NKAIN2: variants seen among roughly 807,000 people sequenced by gnomAD.
The protein encoded by NKAIN2 is sodium/potassium-transporting ATPase subunit beta-1-interacting protein 2.
A neutral mutation model predicts 32.6 loss-of-function variants in NKAIN2; 14 were observed. The observed-to-expected ratio is 0.43, with a 90% CI of 0.28 to 0.67. The LOEUF is 0.67. Among genes scored for constraint, NKAIN2 ranks in the 30% least tolerant of loss-of-function variants. The pLI, the probability that NKAIN2 is intolerant of heterozygous loss-of-function variation, is 0.17. For missense variants in NKAIN2, 198 were observed against 258.3 expected, an observed-to-expected ratio of 0.77 and a Z score of 1.60; for synonymous variants, 80 against 87.2, an observed-to-expected ratio of 0.92 and a Z score of 0.46.
intron 3 of NKAIN2, among the ~76,000 whole-genome samples, chr6:124,390,106 C>T (rs1484863083): frequency 6.6e-6 from 1 of 152,106 alleles, no homozygotes; most frequent in African/African-American, 2.4e-5. Flanking sequence ...GTCTTTGCTG[C>T]CAGTGCAAAG....
chr6:124,359,746 T>A (rs1799179164), intron 3 of NKAIN2, among the ~76,000 whole-genome samples: 1 of 152,178 alleles, frequency 6.6e-6, no homozygotes, highest in Non-Finnish European at 1.5e-5. Context: ...CCTCTTTTCC[T>A]AATTGAATAC....
chr6:124,269,334 A>T (rs1427838658), intron 1 of NKAIN2, among the ~76,000 whole-genome samples: 1 of 152,196 alleles, frequency 6.6e-6, no homozygotes, highest in African/African-American at 2.4e-5. Context: ...CATGGTATTT[A>T]CCATACCAGA....
At chr6:124,726,127 G>C (rs1350239570) in intron 4 of NKAIN2, among the ~76,000 whole-genome samples, 1 of 152,196 alleles carries the variant, frequency 6.6e-6, no homozygotes, top group African/African-American at 2.4e-5. Flanking sequence ...AGCGAGCCTG[G>C]GGGAGGGGCG....
chr6:124,101,789 G>A (rs1038129065), intron 1 of NKAIN2, among the ~76,000 whole-genome samples: 1 of 152,134 alleles, frequency 6.6e-6, no homozygotes, highest in Non-Finnish European at 1.5e-5. Context: ...ACTGACTTAG[G>A]TGAGTCAAGC....
intron 3 of NKAIN2, among the ~76,000 whole-genome samples, chr6:124,529,412 A>G (rs1175474678): frequency 1.3e-5 from 2 of 152,200 alleles, no homozygotes; most frequent in Admixed American, 6.5e-5. Context: ...AACCCAGCGA[A>G]CAAAAACCAG....
At chr6:123,868,948 A>G (rs1772724187) in intron 1 of NKAIN2, among the ~76,000 whole-genome samples, 1 of 152,216 alleles carries the variant, frequency 6.6e-6, no homozygotes, top group Non-Finnish European at 1.5e-5. Flanking sequence ...AAAATGACCT[A>G]CATATTAATG....
intron 3 of NKAIN2, among the ~76,000 whole-genome samples, chr6:124,495,685 G>A (rs1265607216): frequency 6.6e-6 from 1 of 152,056 alleles, no homozygotes; most frequent in Non-Finnish European, 1.5e-5. Flanking sequence ...TTCAACCAAA[G>A]AAAATTCCAA....
chr6:123,846,841 C>T (rs1055165722), intron 1 of NKAIN2, among the ~76,000 whole-genome samples: 30 of 68,604 alleles, frequency 4.4e-4, no homozygotes, highest in Non-Finnish European at 7.6e-4. Context: ...CACACGCACG[C>T]GCGCACACAC....
chr6:124,152,244 C>T (rs999153383), intron 1 of NKAIN2, among the ~76,000 whole-genome samples: 2 of 151,812 alleles, frequency 1.3e-5, no homozygotes, highest in African/African-American at 2.4e-5. Flanking sequence ...ACACATTTGT[C>T]GTAATCACAG....
At chr6:124,254,384 T>G (rs1285644766) in intron 1 of NKAIN2, among the ~76,000 whole-genome samples, 1 of 152,250 alleles carries the variant, frequency 6.6e-6, no homozygotes, top group East Asian at 1.9e-4. Flanking sequence ...TGTACTTTGT[T>G]TTATGAAGAG....
chr6:124,669,702 T>G (rs1255910208), intron 4 of NKAIN2, among the ~76,000 whole-genome samples: 1 of 152,096 alleles, frequency 6.6e-6, no homozygotes, highest in African/African-American at 2.4e-5. Context: ...TTTTTCTTCT[T>G]CCCTCTTTCT....
intron 2 of NKAIN2, among the ~76,000 whole-genome samples, chr6:124,287,019 C>T (rs1306864154): frequency 6.6e-6 from 1 of 151,960 alleles, no homozygotes; most frequent in Non-Finnish European, 1.5e-5. Context: ...TAATTTTTTA[C>T]CCTGCAGTCT....
intron 1 of NKAIN2, among the ~76,000 whole-genome samples, chr6:123,990,126 G>T (rs1024200410): frequency 6.6e-6 from 1 of 152,010 alleles, no homozygotes; most frequent in Non-Finnish European, 1.5e-5. Context: ...TAAAACCATC[G>T]GATCTTGTGA....
At chr6:124,429,518 AG>A (rs1314509961) in intron 3 of NKAIN2, among the ~76,000 whole-genome samples, 1 of 152,024 alleles carries the variant, frequency 6.6e-6, no homozygotes, top group African/African-American at 2.4e-5. Context: ...TATCAACATC[AG>A]TGTGGTTGGC....
At chr6:124,638,621 C>G (rs1048677734) in intron 3 of NKAIN2, among the ~76,000 whole-genome samples, 24 of 152,006 alleles carry the variant, frequency 1.6e-4, no homozygotes, top group Admixed American at 1.2e-3. Flanking sequence ...GAGGGCCGGG[C>G]GCGGTGGCTC....
At chr6:124,015,895 T>G (rs1295255960) in intron 1 of NKAIN2, among the ~76,000 whole-genome samples, 1 of 152,146 alleles carries the variant, frequency 6.6e-6, no homozygotes, top group African/African-American at 2.4e-5. Flanking sequence ...CACTGTGGAT[T>G]GATGTGTTAC....
rs371411405 is a variant in NKAIN2, at chr6:124,343,222, A to G, written c.193-12045A>G. Among the ~76,000 whole-genome samples, 312 of 151,908 alleles carry G rather than the reference A, an allele frequency of 2.1e-3. 2 individuals are homozygous for G. Among genetic ancestry groups the G allele is most frequent in the African/African-American group, 6.4e-3 (265 of 41,444 alleles). ...ATATGTGCCACATTTTCTTAATCCA[A>G]TCTATCATTGTTGGACATTTGGGTT... is the stretch of plus-strand genomic sequence containing the variant. On this transcript the variant is annotated intron_variant, in intron 2 of 6. Transcript: ENST00000368417.
At chr6:123,962,660 C>A (rs997550293) in intron 1 of NKAIN2, among the ~76,000 whole-genome samples, 2 of 152,102 alleles carry the variant, frequency 1.3e-5, no homozygotes, top group African/African-American at 2.4e-5. Context: ...GCTGAGGCAG[C>A]CTTCCAGTGC....
intron 3 of NKAIN2, among the ~76,000 whole-genome samples, chr6:124,612,564 A>G (rs1437533510): frequency 6.6e-6 from 1 of 152,184 alleles, no homozygotes; most frequent in East Asian, 1.9e-4. Flanking sequence ...GGGAGGCTGA[A>G]AGTCAGTGAA....
Sources: gnomAD v4.1 joint callset for allele counts (sites outside exome capture counted in the v4.1 genomes callset) on GRCh38, gnomAD v4.1.1 for gene constraint, MANE v1.5 for transcripts, NCBI Gene and HGNC (gene_info 2026-07-23, HGNC 2026-07-21) for gene names.